The following ARVCF variants were observed in gnomAD, a reference collection of about 807,000 sequenced individuals.
ARVCF encodes ARVCF delta catenin family member.
In ARVCF, 66 loss-of-function variants were observed where a neutral mutation model predicts 90.9. The ratio of observed to expected loss-of-function variants is 0.73; its 90% CI spans 0.60 to 0.89. The LOEUF is 0.89. Among genes scored for constraint, ARVCF ranks in the 40% least tolerant of loss-of-function variants. ARVCF has a pLI of 0.00. For missense variants in ARVCF, 1,469 were observed against 1,382.3 expected (o/e 1.06, Z -1.00); for synonymous variants, 653 against 603.4 (o/e 1.08, Z -1.21).
In ARVCF at chr22:19,983,236, G is replaced by A. The variant is rs376381515; in HGVS notation, c.211-1145C>T. Among the ~76,000 whole-genome samples, 44 of 152,372 alleles carry A rather than the reference G, an allele frequency of 2.9e-4. No homozygotes were observed. The South Asian group carries it at 4.3e-3, about 15-fold the overall frequency. ...GCAGCCAGGGCAGGGTCAGCAGGAGGACAGGTCCTGCTTTGTGGCCCAGGC... is the reference window on the plus strand; with the variant it reads ...GCAGCCAGGGCAGGGTCAGCAGGAGAACAGGTCCTGCTTTGTGGCCCAGGC... On this transcript the variant is annotated intron_variant, in intron 3 of 19. Transcript: ENST00000263207.
chr22:19,972,424 A>C lies in ARVCF; in HGVS notation c.2642-13T>G. 6.2e-7 allele frequency: 1 copy of C among 1,613,274 alleles called. No homozygotes were observed. Among genetic ancestry groups the C allele is most frequent in the Admixed American group, 1.7e-5 (1 of 60,014 alleles). On this transcript the variant is annotated splice_polypyrimidine_tract_variant and intron_variant, in intron 16 of 19. Coordinates refer to ENST00000263207, the MANE Select transcript of ARVCF (RefSeq NM_001670.3). ...GTTTTCTCGCCCTCTGCAAGGCAGGAGGAGGAGACGGGCTGCATGTGGCAG... is the reference window on the plus strand; with the variant it reads ...GTTTTCTCGCCCTCTGCAAGGCAGGCGGAGGAGACGGGCTGCATGTGGCAG...
rs774932918 is a variant in ARVCF, at chr22:19,972,784, G to A, written c.2594C>T (p.Pro865Leu). 1.9e-6 allele frequency: 3 copies of A among 1,613,470 alleles called. No homozygotes were observed. In the African/African-American group the frequency reaches 4.0e-5, roughly 22 times the overall value. The change falls in exon 16 of 20, where the codon CCT (proline) becomes CTT (leucine). Residue 865 changes from proline (P) to leucine (L), a missense_variant. Transcript: ENST00000263207. ...TAKGPKGALS[P>L]GGFDDSTLPL... ...CAGCGTGCTGTCATCGAAGCCCCCA[G>A]GACTCAGTGCTCCCTTAGGCCCCTT...
At chr22:19,981,018 G>C (rs1230425876) in intron 5 of ARVCF, 193 bp downstream of exon 5, 4 of 684,074 alleles carry the variant, frequency 5.8e-6, no homozygotes, top group African/African-American at 1.8e-5. Flanking sequence ...GGGCCTGCAG[G>C]ACAGTGCCCA....
rs907363055 is a variant in ARVCF at position 19,990,471 on chromosome 22, A to G, written c.210+114T>C. 124 of 1,304,798 alleles carry G rather than the reference A, an allele frequency of 9.5e-5. 1 individual carries two copies. Among genetic ancestry groups the G allele is most frequent in the Middle Eastern group, 1.9e-4 (1 of 5,334 alleles). 80.8% of individuals were successfully genotyped at this position (1,304,798 alleles called of 1,614,324 possible). The stretch of plus-strand genomic sequence containing the variant: ...ATCCCATTTTCCTTTCCTCCCCAGG[A>G]GCCCCAGCAAATCTTGCAATAAGCG... On this transcript the variant is annotated intron_variant, in intron 3 of 19. Coordinates refer to ENST00000263207, the MANE Select transcript of ARVCF (RefSeq NM_001670.3).
At chr22:19,975,867 G>A in intron 10 of ARVCF, 110 bp from the exon 11 acceptor site, 4 of 1,114,100 alleles carry the variant, frequency 3.6e-6, no homozygotes, top group Non-Finnish European at 5.3e-6. Context: ...GCACCCCCAT[G>A]TCCAGGCCTG....
intron 10 of ARVCF, 26 bp downstream of exon 10, chr22:19,976,679 TG>T: frequency 6.4e-7 from 1 of 1,554,572 alleles, no homozygotes; most frequent in East Asian, 2.4e-5. Context: ...ACGCCAGGCC[TG>T]GAGAGCAGGA....
chr22:19,975,549 C>A, intron 11 of ARVCF, 137 bp downstream of exon 11: 1 of 901,340 alleles, frequency 1.1e-6, no homozygotes, highest in Non-Finnish European at 1.7e-6. Context: ...TCCAGGAAAT[C>A]CTGCACCTAG....
intron 3 of ARVCF, chr22:19,986,610 G>C (rs1385921140): frequency 6.4e-6 from 1 of 155,458 alleles, no homozygotes; most frequent in Non-Finnish European, 1.4e-5. Context: ...AGGGGGTGTG[G>C]AGGGGAGAGG....
Position 19,980,248 on chromosome 22 carries a change from C to T in ARVCF, c.897-6G>A. 2.0e-6 allele frequency: 3 copies of T among 1,513,764 alleles called. No individual in the cohort carries two copies. The highest frequency in any genetic ancestry group is 2.6e-6 in the Non-Finnish European group (3 of 1,133,192). The allele number at this position is 1,513,764 out of a possible 1,614,324, so 93.8% of individuals were successfully genotyped here. A position where few individuals can be genotyped will look rare whatever the true frequency, so the allele number is the denominator to read the frequency against. ...CTGCTGTGTCCTCGTAGGCCCTGCACAGGCAAGTGGGGCGCGTGGACATCG... is the reference window on the plus strand; with the variant it reads ...CTGCTGTGTCCTCGTAGGCCCTGCATAGGCAAGTGGGGCGCGTGGACATCG... On this transcript the variant is annotated splice_polypyrimidine_tract_variant and splice_region_variant and intron_variant, in intron 5 of 19. Transcript: ENST00000263207.
At chr22:19,995,546 A>G (rs1211025295) in intron 2 of ARVCF, among the ~76,000 whole-genome samples, 1 of 152,170 alleles carries the variant, frequency 6.6e-6, no homozygotes, top group African/African-American at 2.4e-5. Flanking sequence ...TAGAAGCTAA[A>G]TCCTTTCCCT....
intron 11 of ARVCF, 167 bp from the exon 12 acceptor site, chr22:19,974,406 G>T (rs747558161): frequency 7.5e-5 from 60 of 800,780 alleles, no homozygotes; most frequent in Non-Finnish European, 9.8e-5. Flanking sequence ...CACCCAAGGG[G>T]AAAAGCGTTC....
chr22:20,012,980 C>A (rs1475446037), intron 1 of ARVCF, among the ~76,000 whole-genome samples: 1 of 152,262 alleles, frequency 6.6e-6, no homozygotes, highest in Non-Finnish European at 1.5e-5. Context: ...CTCTGCACTC[C>A]CTGCAGTGTG....
At chr22:19,968,615 ACGTGCGC>A (rs1569138454), downstream of ARVCF, 1 of 1,614,044 alleles carries the variant, frequency 6.2e-7, no homozygotes, top group South Asian at 1.1e-5. Context: ...TTCCTAGCAC[ACGTGCGC>A]GGGAGCAGCT....
At chr22:20,007,750 G>A (rs939107332) in intron 2 of ARVCF, among the ~76,000 whole-genome samples, 4 of 152,206 alleles carry the variant, frequency 2.6e-5, no homozygotes, top group African/African-American at 9.6e-5. Context: ...GGGATGTAGC[G>A]ACAAAGAAGG....
chr22:19,987,373 T>C (rs1601627162), intron 3 of ARVCF, among the ~76,000 whole-genome samples: 1 of 102,912 alleles, frequency 9.7e-6, no homozygotes, highest in Non-Finnish European at 1.9e-5. Flanking sequence ...TCGCCCCCTG[T>C]CCCCCCACTT....
chr22:20,002,041 G>A (rs1051076954), intron 2 of ARVCF, among the ~76,000 whole-genome samples: 2 of 152,174 alleles, frequency 1.3e-5, no homozygotes, highest in East Asian at 1.9e-4. Flanking sequence ...TTTCCAGAGC[G>A]AGAACGACAG....
intron 2 of ARVCF, among the ~76,000 whole-genome samples, chr22:20,008,071 G>C (rs954192513): frequency 1.3e-5 from 2 of 152,148 alleles, no homozygotes; most frequent in Non-Finnish European, 2.9e-5. Context: ...ACATCAAAAT[G>C]ATCATAAACA....
rs768894318 is a variant in ARVCF at position 19,973,012 on chromosome 22, C to T, written c.2463G>A (p.Ala821=). ...ASSQSVREAK[A]ASHVLQTVWS... Reference sequence around the variant, plus strand: ...ACACTGTCTGCAGCACGTGTGACGCCGCCTTCGCTTCGCGTACCGATTGGC... The same window carrying T: ...ACACTGTCTGCAGCACGTGTGACGCTGCCTTCGCTTCGCGTACCGATTGGC... Residue 821 remains alanine (A), a synonymous_variant, in exon 15 of 20, where the codon GCG becomes GCA. Transcript: ENST00000263207. The T allele has an allele frequency of 6.2e-6, 10 of 1,613,384 alleles. 1 individual carries two copies. In the South Asian group the frequency reaches 1.1e-4, roughly 18 times the overall value.
intron 2 of ARVCF, among the ~76,000 whole-genome samples, chr22:19,998,964 A>G (rs904800769): frequency 2.0e-5 from 3 of 152,218 alleles, no homozygotes; most frequent in African/African-American, 7.2e-5. Context: ...ACTCTGGGAC[A>G]GGCCAGAGTT....
Sources: allele counts gnomAD v4.1 joint callset (sites outside exome capture counted in the v4.1 genomes callset), GRCh38; gene constraint gnomAD v4.1.1; transcripts MANE v1.5; gene names NCBI Gene and HGNC (gene_info 2026-07-23, HGNC 2026-07-21).